The following VAT1L variants were observed in gnomAD, a reference collection of about 807,000 sequenced individuals.
The protein encoded by VAT1L is vesicle amine transport 1 like.
A neutral mutation model predicts 44.1 loss-of-function variants in VAT1L; 34 were observed. The ratio of observed to expected loss-of-function variants is 0.77; its 90% CI spans 0.59 to 1.03. The LOEUF is 1.03. Among genes scored for constraint, VAT1L ranks in the 50% least tolerant of loss-of-function variants. The pLI is 0.00. For missense variants in VAT1L, 615 were observed against 538.8 expected, an observed-to-expected ratio of 1.14 and a Z score of -1.40; for synonymous variants, 253 against 202.2, an observed-to-expected ratio of 1.25 and a Z score of -2.13.
At chr16:77,858,634 A>G (rs1374803142) in intron 3 of VAT1L, among the ~76,000 whole-genome samples, 1 of 152,116 alleles carries the variant, frequency 6.6e-6, no homozygotes, top group Non-Finnish European at 1.5e-5. Flanking sequence ...GCCAGGAGTG[A>G]AGCAGATCAA....
At position 77,962,731 on chromosome 16, in the gene VAT1L, A is replaced by AAGGAAGGAAG. The variant is rs1567523591; in HGVS notation, c.1078-9119_1078-9118insAGGAAGGAAG. On this transcript the variant is annotated intron_variant, in intron 7 of 8. Transcript: ENST00000302536. ...GACCTTTTCTCTACAAAAGAAGGAAAGAAGGAAAGAAGGAAGGAAGGAAGG... is the reference window on the plus strand; with the variant it reads ...GACCTTTTCTCTACAAAAGAAGGAAAAGGAAGGAAGGAAGGAAAGAAGGAAGGAAGGAAGG... Among the ~76,000 whole-genome samples, 6 of 46,692 alleles carry AAGGAAGGAAG rather than the reference A, an allele frequency of 1.3e-4. No individual in the cohort carries two copies. In the East Asian group the frequency reaches 3.2e-3, roughly 25 times the overall value. The allele number at this position is 46,692 out of a possible 152,430, so 30.6% of individuals were successfully genotyped here.
At chr16:77,955,511 G>A (rs1041163423) in intron 7 of VAT1L, among the ~76,000 whole-genome samples, 8 of 152,204 alleles carry the variant, frequency 5.3e-5, no homozygotes, top group African/African-American at 1.9e-4. Flanking sequence ...GATTGCTTGA[G>A]GTCAGGTGTT....
chr16:77,901,152 C>CTTT (rs1301624444), intron 7 of VAT1L, among the ~76,000 whole-genome samples: 1 of 113,550 alleles, frequency 8.8e-6, no homozygotes, highest in African/African-American at 3.9e-5. Flanking sequence ...CAGTAGTTTA[C>CTTT]CTTTTTTTTT....
intron 7 of VAT1L, among the ~76,000 whole-genome samples, chr16:77,893,368 AGGGTC>A (rs561846678): frequency 3.6e-4 from 55 of 152,376 alleles, no homozygotes; most frequent in African/African-American, 1.3e-3. Flanking sequence ...GCAATGACCA[AGGGTC>A]TTTTAAGCTG....
chr16:77,902,282 T>C (rs1235755895), intron 7 of VAT1L, among the ~76,000 whole-genome samples: 2 of 152,234 alleles, frequency 1.3e-5, no homozygotes, highest in Admixed American at 6.5e-5. Flanking sequence ...TTCTGAGTAA[T>C]TAACCTCATC....
intron 7 of VAT1L, among the ~76,000 whole-genome samples, chr16:77,970,701 C>G (rs1427309687): frequency 3.9e-5 from 6 of 152,118 alleles, no homozygotes. Flanking sequence ...GTTTTTTTCC[C>G]CATAATTTAA....
intron 3 of VAT1L, among the ~76,000 whole-genome samples, chr16:77,848,771 C>G (rs1223567403): frequency 6.6e-6 from 1 of 152,092 alleles, no homozygotes; most frequent in Non-Finnish European, 1.5e-5. Flanking sequence ...TTCACAGTAG[C>G]AAAAACTTGG....
At chr16:77,928,112 C>G (rs999265670) in intron 7 of VAT1L, among the ~76,000 whole-genome samples, 5 of 152,034 alleles carry the variant, frequency 3.3e-5, no homozygotes, top group Non-Finnish European at 7.4e-5. Flanking sequence ...GCCTTATTGA[C>G]AAAGTCATTT....
At chr16:77,811,558 G>T (rs1797388561) in intron 1 of VAT1L, among the ~76,000 whole-genome samples, 1 of 152,116 alleles carries the variant, frequency 6.6e-6, no homozygotes, top group Admixed American at 6.5e-5. Flanking sequence ...CCCAGTTCTG[G>T]TACGAACTAT....
At chr16:77,877,865 ATT>A (rs962538567) in intron 5 of VAT1L, among the ~76,000 whole-genome samples, 16 of 152,292 alleles carry the variant, frequency 1.1e-4, no homozygotes, top group African/African-American at 3.9e-4. Context: ...TGTTCCAGTA[ATT>A]TCAATCATAG....
chr16:77,866,260 A>T (rs1360186029), intron 4 of VAT1L, among the ~76,000 whole-genome samples: 1 of 152,252 alleles, frequency 6.6e-6, no homozygotes, highest in Non-Finnish European at 1.5e-5. Flanking sequence ...TGTCTGCAAT[A>T]GTGAAAATTC....
intron 1 of VAT1L, among the ~76,000 whole-genome samples, chr16:77,813,688 C>G (rs1029980385): frequency 3.3e-5 from 5 of 152,220 alleles, no homozygotes; most frequent in African/African-American, 1.2e-4. Flanking sequence ...ATCTCTGTCA[C>G]TCACTTCTGT....
At chr16:77,957,073 C>T (rs955517586) in intron 7 of VAT1L, among the ~76,000 whole-genome samples, 1 of 152,114 alleles carries the variant, frequency 6.6e-6, no homozygotes, top group Non-Finnish European at 1.5e-5. Flanking sequence ...GGGAAAAAAT[C>T]ACAATTCCTT....
chr16:77,903,929 G>A (rs1340209962), intron 7 of VAT1L, among the ~76,000 whole-genome samples: 1 of 151,616 alleles, frequency 6.6e-6, no homozygotes, highest in Non-Finnish European at 1.5e-5. Flanking sequence ...GTAAAGACAG[G>A]GTTTCACCAT....
At chr16:77,950,094 C>T (rs2018023287) in intron 7 of VAT1L, among the ~76,000 whole-genome samples, 2 of 152,168 alleles carry the variant, frequency 1.3e-5, no homozygotes, top group Non-Finnish European at 1.5e-5. Context: ...AACATGTGCT[C>T]ATTGTGTTCA....
intron 1 of VAT1L, among the ~76,000 whole-genome samples, chr16:77,814,189 G>A (rs945089297): frequency 6.6e-6 from 1 of 152,072 alleles, no homozygotes; most frequent in African/African-American, 2.4e-5. Context: ...CAAACTAAAC[G>A]CTCAGCAAAA....
At chr16:77,973,916 C>T (rs180791045) in intron 8 of VAT1L, among the ~76,000 whole-genome samples, 167 of 152,066 alleles carry the variant, frequency 1.1e-3, no homozygotes, top group African/African-American at 3.9e-3. Context: ...TTAGTACAGA[C>T]TGGGTTTCAC....
chr16:77,968,106 C>T (rs561540098), intron 7 of VAT1L, among the ~76,000 whole-genome samples: 1 of 152,236 alleles, frequency 6.6e-6, no homozygotes, highest in African/African-American at 2.4e-5. Context: ...TTGCATTTAA[C>T]TCCCCCACCC....
intron 3 of VAT1L, among the ~76,000 whole-genome samples, chr16:77,854,584 T>C (rs2016839801): frequency 6.6e-6 from 1 of 152,218 alleles, no homozygotes; most frequent in Admixed American, 6.5e-5. Flanking sequence ...ATGCATCCAA[T>C]GTACTTGATT....
Sources: gnomAD v4.1 joint callset for allele counts (sites outside exome capture counted in the v4.1 genomes callset) on GRCh38, gnomAD v4.1.1 for gene constraint, MANE v1.5 for transcripts, NCBI Gene and HGNC (gene_info 2026-07-23, HGNC 2026-07-21) for gene names.